The following UVRAG variants were observed in gnomAD, a reference collection of about 807,000 sequenced individuals.
The protein encoded by UVRAG is UV radiation resistance associated.
A neutral mutation model predicts 78.0 loss-of-function variants in UVRAG; 19 were observed. The ratio of observed to expected loss-of-function variants is 0.24; its 90% CI spans 0.17 to 0.36. The LOEUF is 0.36. UVRAG is among the 10% of genes least tolerant of loss of function. The pLI is 1.00. For synonymous variants in UVRAG, 323 were observed against 324.6 expected (o/e 1.00, Z 0.05); for missense variants, 740 against 853.8 (o/e 0.87, Z 1.66).
At chr11:75,994,761 G>A (rs893135125) in intron 8 of UVRAG, among the ~76,000 whole-genome samples, 2 of 152,152 alleles carry the variant, frequency 1.3e-5, no homozygotes, top group African/African-American at 2.4e-5. Context: ...TAAACGAAAC[G>A]TCATTACTGC....
Position 76,051,423 on chromosome 11 carries a change from T to G in UVRAG, c.1227-14287T>G, listed in dbSNP as rs187620920. Among the ~76,000 whole-genome samples, 376 of 152,292 alleles carry G rather than the reference T, an allele frequency of 2.5e-3. 1 individual carries two copies. Among genetic ancestry groups the G allele is most frequent in the Non-Finnish European group, 3.4e-3 (234 of 68,024 alleles). On this transcript the variant is annotated intron_variant, in intron 12 of 14. Transcript: ENST00000356136. ...AAAAGACATGGTTTCCATCCTTTAA[T>G]TTTACTCTGTTCACTGAAATTTGCC...
At chr11:76,065,252 C>T (rs1951164858) in intron 12 of UVRAG, among the ~76,000 whole-genome samples, 1 of 152,216 alleles carries the variant, frequency 6.6e-6, no homozygotes, top group Admixed American at 6.5e-5. Context: ...GTTGATTTCA[C>T]TGGTCACCTT....
At chr11:75,866,192 G>A (rs1237396273) in intron 3 of UVRAG, among the ~76,000 whole-genome samples, 3 of 151,132 alleles carry the variant, frequency 2.0e-5, no homozygotes, top group Non-Finnish European at 4.4e-5. Context: ...ACTCCAGCTT[G>A]GGTGACAGAG....
In UVRAG at chr11:76,040,617, G is replaced by A. The variant is rs139392612; in HGVS notation, c.1226+23637G>A. 9.1e-3 allele frequency among the ~76,000 whole-genome samples: 1,387 copies of A among 152,034 alleles called. 20 individuals carry two copies. The highest frequency in any genetic ancestry group is 0.032 in the African/African-American group (1,311 of 41,460). ...TGTTGCCAGGCTGGAGTGCAGTGGC[G>A]CGGTCTCGACTCACTGCAACCTCTG... On this transcript the variant is annotated intron_variant, in intron 12 of 14. Transcript: ENST00000356136.
chr11:75,956,898 T>A (rs2135188032), intron 6 of UVRAG, among the ~76,000 whole-genome samples: 1 of 152,316 alleles, frequency 6.6e-6, no homozygotes. Flanking sequence ...GAAGTGTTCA[T>A]TTCATTCTGT....
chr11:76,115,827 CTT>C, intron 13 of UVRAG, 95 bp from the exon 14 acceptor site: 2 of 1,079,014 alleles, frequency 1.9e-6, no homozygotes, highest in Admixed American at 4.1e-5. Context: ...TACATTTCCT[CTT>C]TTAGAGTTCA....
At chr11:75,925,014 T>C (rs1190301005) in intron 6 of UVRAG, among the ~76,000 whole-genome samples, 4 of 152,210 alleles carry the variant, frequency 2.6e-5, no homozygotes, top group Admixed American at 6.5e-5. Context: ...TAAGTATATG[T>C]AGTCTTCTGC....
chr11:76,101,479 G>A (rs945057161), intron 13 of UVRAG, among the ~76,000 whole-genome samples: 1 of 148,326 alleles, frequency 6.7e-6, no homozygotes, highest in Non-Finnish European at 1.5e-5. Flanking sequence ...ATTTGTTTAA[G>A]TTCCTTATCA....
intron 7 of UVRAG, among the ~76,000 whole-genome samples, chr11:75,981,207 G>A (rs987697000): frequency 7.2e-5 from 11 of 151,968 alleles, no homozygotes. Flanking sequence ...CACCTCCCAG[G>A]TTCAAGCGAT....
chr11:75,985,188 G>T lies in UVRAG; in HGVS notation c.826+1675G>T, dbSNP rs1328099043. 7.3e-5 allele frequency among the ~76,000 whole-genome samples: 10 copies of T among 137,678 alleles called. No individual in the cohort carries two copies. The East Asian group carries it at 1.8e-3, about 25-fold the overall frequency. 90.3% of individuals were successfully genotyped at this position (137,678 alleles called of 152,430 possible). ...TTTTTTTGTATATTTTGTATTTATC[G>T]CATTTGGTAATTTGTATTTTTCGTT... On this transcript the variant is annotated intron_variant, in intron 8 of 14. Transcript: ENST00000356136.
intron 13 of UVRAG, among the ~76,000 whole-genome samples, chr11:76,092,287 G>A (rs182149193): frequency 1.5e-3 from 225 of 152,182 alleles, no homozygotes; most frequent in East Asian, 5.2e-3. Context: ...GAATAGTGCC[G>A]CAGTAAACAT....
intron 12 of UVRAG, among the ~76,000 whole-genome samples, chr11:76,057,397 G>A (rs1444104082): frequency 6.6e-6 from 1 of 152,162 alleles, no homozygotes; most frequent in African/African-American, 2.4e-5. Context: ...ATGGCCCTTA[G>A]TGTAAAGTTA....
chr11:75,843,066 A>T (rs147033743), intron 1 of UVRAG, among the ~76,000 whole-genome samples: 58 of 152,334 alleles, frequency 3.8e-4, no homozygotes, highest in African/African-American at 1.3e-3. Flanking sequence ...CTAATGCTTG[A>T]TGCAGAACAA....
At chr11:75,815,956 C>T (rs1175896094) in intron 1 of UVRAG, among the ~76,000 whole-genome samples, 1 of 152,188 alleles carries the variant, frequency 6.6e-6, no homozygotes, top group Non-Finnish European at 1.5e-5. Flanking sequence ...TCCCCGCTTA[C>T]GGAGAAACCA....
At chr11:75,964,769 C>T (rs543321740) in intron 7 of UVRAG, among the ~76,000 whole-genome samples, 66 of 152,154 alleles carry the variant, frequency 4.3e-4, no homozygotes, top group African/African-American at 1.6e-3. Flanking sequence ...GGGTGTGGTT[C>T]TATAGTTCAT....
chr11:76,066,309 AT>A (rs1951184218), intron 13 of UVRAG, among the ~76,000 whole-genome samples: 1 of 152,128 alleles, frequency 6.6e-6, no homozygotes, highest in Non-Finnish European at 1.5e-5. Context: ...CACTTAAATA[AT>A]GTCTTTCCGT....
intron 6 of UVRAG, among the ~76,000 whole-genome samples, chr11:75,952,021 G>A (rs922984191): frequency 9.2e-5 from 14 of 152,016 alleles, no homozygotes; most frequent in Middle Eastern, 3.4e-3. Flanking sequence ...ATATCTCAGC[G>A]GTGTTTTATG....
At chr11:75,846,108 A>G (rs997389634) in intron 1 of UVRAG, among the ~76,000 whole-genome samples, 5 of 152,234 alleles carry the variant, frequency 3.3e-5, no homozygotes, top group African/African-American at 1.2e-4. Context: ...CAGACCAGTA[A>G]TTCTGTTTAG....
chr11:75,861,285 TAACCAAAACTGTC>T (rs1946416050), intron 2 of UVRAG, among the ~76,000 whole-genome samples: 1 of 152,220 alleles, frequency 6.6e-6, no homozygotes, highest in East Asian at 1.9e-4. Flanking sequence ...GCTAGTGTTT[TAACCAAAACTGTC>T]AACCAGTTAA....
Sources: allele counts gnomAD v4.1 joint callset (sites outside exome capture counted in the v4.1 genomes callset), GRCh38; gene constraint gnomAD v4.1.1; transcripts MANE v1.5; gene names NCBI Gene and HGNC (gene_info 2026-07-23, HGNC 2026-07-21).